The following NKD1 variants were observed in gnomAD, a reference collection of about 807,000 sequenced individuals.
NKD1 encodes protein naked cuticle homolog 1.
In NKD1, 21 loss-of-function variants were observed where a neutral mutation model predicts 56.0. The ratio of observed to expected loss-of-function variants is 0.38; its 90% CI spans 0.27 to 0.54. The LOEUF (loss-of-function observed/expected upper bound fraction) is 0.54. Among genes scored for constraint, NKD1 ranks in the 20% least tolerant of loss-of-function variants. The pLI is 0.82. For missense variants in NKD1, 578 were observed against 642.7 expected (o/e 0.90, Z 1.09); for synonymous variants, 263 against 265.7 (o/e 0.99, Z 0.10).
rs1962364624 is a variant in NKD1, at chr16:50,632,337, A to G, written c.752A>G (p.Glu251Gly). ...QSGCYHHCVDENIERRNHYLD... is the reference protein window; with the variant it reads ...QSGCYHHCVDGNIERRNHYLD... ...GGCTGCTACCACCATTGCGTAGATGAGAACATCGAGAGGAGAAACCACTAC... is the reference window on the plus strand; with the variant it reads ...GGCTGCTACCACCATTGCGTAGATGGGAACATCGAGAGGAGAAACCACTAC... Residue 251 changes from glutamate (E) to glycine (G), a missense_variant, in exon 9 of 10, where the codon GAG becomes GGG. Coordinates refer to ENST00000268459, the MANE Select transcript of NKD1 (RefSeq NM_033119.5). The surrounding 1 kb of genome is among the most constrained non-coding windows in gnomAD (Gnocchi z 4.1). 6.2e-7 allele frequency: 1 copy of G among 1,613,988 alleles called. No homozygotes were observed. Among genetic ancestry groups the G allele is most frequent in the Non-Finnish European group, 8.5e-7 (1 of 1,179,970 alleles).
chr16:50,591,602 C>T (rs1347521765), intron 3 of NKD1, among the ~76,000 whole-genome samples: 1 of 152,160 alleles, frequency 6.6e-6, no homozygotes, highest in African/African-American at 2.4e-5. Flanking sequence ...TCTTTTTGTA[C>T]AGATGAGGAA....
rs770860740 is a variant in NKD1 at position 50,548,518 on chromosome 16, T to C, written c.-36T>C. On this transcript the variant is annotated 5_prime_UTR_variant, in exon 1 of 10. It removes an upstream start codon present in the reference 5' UTR. Transcript: ENST00000268459. The stretch of plus-strand genomic sequence containing the variant: ...GCGCCAGGCCCGCGGGCCGGGCGCA[T>C]GGCTTAGGGACGCTCCCGGCCGCCG... 25 of 1,426,874 alleles carry C rather than the reference T, an allele frequency of 1.8e-5. No homozygotes were observed. Among genetic ancestry groups the C allele is most frequent in the Middle Eastern group, 2.5e-4 (1 of 4,030 alleles). 88.4% of individuals were successfully genotyped at this position (1,426,874 alleles called of 1,614,324 possible).
At position 50,549,507 on chromosome 16, in the gene NKD1, G is replaced by T. The variant is rs748521552; in HGVS notation, c.144G>T (p.Ser48=). 96 of 1,608,534 alleles carry T rather than the reference G, an allele frequency of 6.0e-5. 1 individual carries two copies. The South Asian group carries it at 8.9e-4, about 15-fold the overall frequency. Residue 48 remains serine, a synonymous_variant, in exon 3 of 10, where the codon TCG becomes TCT. Coordinates refer to ENST00000268459, the MANE Select transcript of NKD1 (RefSeq NM_033119.5). Reference sequence around the variant, plus strand: ...GACAGCGCTGCCCGGGCGGTGTCTCGGGACCCCGACAGCTGCGGTTGGCGG... The same window carrying T: ...GACAGCGCTGCCCGGGCGGTGTCTCTGGACCCCGACAGCTGCGGTTGGCGG... ...IGRQRCPGGV[S]GPRQLRLAGT... is the part of the protein sequence containing the mutation.
chr16:50,548,459 G>A lies in NKD1; in HGVS notation c.-95G>A, dbSNP rs1026425950. 89 of 922,590 alleles carry A rather than the reference G, an allele frequency of 9.6e-5. No homozygotes were observed. The East Asian group carries it at 3.3e-3, about 34-fold the overall frequency. The allele number at this position is 922,590 out of a possible 1,614,324, so 57.2% of individuals were successfully genotyped here. ...CGCCGCCTCGGGCTCCGCTCGGCTCGGGGGCTGCTTCGGGAGGAGGAGAGC... is the reference window on the plus strand; with the variant it reads ...CGCCGCCTCGGGCTCCGCTCGGCTCAGGGGCTGCTTCGGGAGGAGGAGAGC... On this transcript the variant is annotated 5_prime_UTR_variant, in exon 1 of 10. Coordinates refer to ENST00000268459, the MANE Select transcript of NKD1 (RefSeq NM_033119.5).
intron 3 of NKD1, chr16:50,606,398 T>C (rs1475756089): frequency 8.3e-6 from 2 of 240,502 alleles, no homozygotes; most frequent in Non-Finnish European, 1.7e-5. Flanking sequence ...AGTGCGTCCA[T>C]GAACCATGGC....
chr16:50,592,236 G>T (rs149009789), intron 3 of NKD1, among the ~76,000 whole-genome samples: 1 of 152,212 alleles, frequency 6.6e-6, no homozygotes, highest in Non-Finnish European at 1.5e-5. Flanking sequence ...TGCTGCCGCC[G>T]CCTGGGGGCT....
rs1010025866 is a variant in NKD1 at position 50,634,318 on chromosome 16, T to A, written c.*537T>A. On this transcript the variant is annotated 3_prime_UTR_variant, in exon 10 of 10. Transcript: ENST00000268459. ...AACGTCTTGCTGTTGTGTTTTTATG[T>A]CCCAACCTAGAAACCTTAGCTGTCT... The A allele has an allele frequency of 1.3e-5, 2 of 152,814 alleles. No homozygotes were observed. Among genetic ancestry groups the A allele is most frequent in the Non-Finnish European group, 2.9e-5 (2 of 68,074 alleles). The allele number at this position is 152,814 out of a possible 1,614,324, so 9.5% of individuals were successfully genotyped here.
At chr16:50,566,100 A>T in intron 3 of NKD1, 1 of 956,496 alleles carries the variant, frequency 1.0e-6, no homozygotes, top group Non-Finnish European at 1.2e-6. Context: ...TACAAAATCG[A>T]GGAGGAAAGC....
chr16:50,597,778 G>T (rs1004167811), intron 3 of NKD1, among the ~76,000 whole-genome samples: 1 of 152,184 alleles, frequency 6.6e-6, no homozygotes, highest in African/African-American at 2.4e-5. Flanking sequence ...AGGCGGGTGG[G>T]ATTGGTGCCC....
At chr16:50,611,039 C>T (rs918726091) in intron 4 of NKD1, among the ~76,000 whole-genome samples, 7 of 152,196 alleles carry the variant, frequency 4.6e-5, no homozygotes, top group African/African-American at 1.7e-4. Flanking sequence ...GCACACCCAG[C>T]CTCCCTGCCC....
At chr16:50,621,363 G>C (rs571282168) in intron 4 of NKD1, among the ~76,000 whole-genome samples, 1 of 152,200 alleles carries the variant, frequency 6.6e-6, no homozygotes, top group Non-Finnish European at 1.5e-5. Flanking sequence ...AGGCTGGTGG[G>C]GGCCTGAGGG....
intron 7 of NKD1, 97 bp from the exon 8 acceptor site, chr16:50,630,729 A>G: frequency 4.8e-6 from 5 of 1,044,110 alleles, no homozygotes; most frequent in Non-Finnish European, 6.9e-6. Context: ...ACCCTCCCAC[A>G]GTGGCCTTGC....
chr16:50,550,573 T>C (rs569709048), intron 3 of NKD1, among the ~76,000 whole-genome samples: 261 of 152,186 alleles, frequency 1.7e-3, no homozygotes, highest in South Asian at 2.9e-3. Flanking sequence ...CCTCTGGGCC[T>C]AGGAGAAGCT....
intron 4 of NKD1, among the ~76,000 whole-genome samples, chr16:50,609,000 T>G (rs1333246437): frequency 6.6e-6 from 1 of 152,182 alleles, no homozygotes; most frequent in African/African-American, 2.4e-5. Context: ...ATTTTTAAAT[T>G]TTTCTGTAGA....
chr16:50,618,708 CA>C (rs1222866570), intron 4 of NKD1, among the ~76,000 whole-genome samples: 1 of 152,188 alleles, frequency 6.6e-6, no homozygotes, highest in Non-Finnish European at 1.5e-5. Context: ...CAGGATGGAT[CA>C]CAGGCCCCAT....
In NKD1 at chr16:50,548,529, C is replaced by T. The variant is rs1050323354; in HGVS notation, c.-25C>T. On this transcript the variant is annotated 5_prime_UTR_variant, in exon 1 of 10. The change creates a new upstream start codon in the 5' untranslated region. Coordinates refer to ENST00000268459, the MANE Select transcript of NKD1 (RefSeq NM_033119.5). ...GCGGGCCGGGCGCATGGCTTAGGGA[C>T]GCTCCCGGCCGCCGCAGCCCCAGCA... The T allele has an allele frequency of 1.3e-4, 183 of 1,460,934 alleles. No individual in the cohort carries two copies. Among genetic ancestry groups the T allele is most frequent in the Non-Finnish European group, 1.5e-4 (166 of 1,111,542 alleles). 90.5% of individuals were successfully genotyped at this position (1,460,934 alleles called of 1,614,324 possible). A position where few individuals can be genotyped will look rare whatever the true frequency, so the allele number is the denominator to read the frequency against.
At chr16:50,573,243 A>G (rs548399012) in intron 3 of NKD1, among the ~76,000 whole-genome samples, 200 of 152,308 alleles carry the variant, frequency 1.3e-3, no homozygotes, top group Middle Eastern at 3.4e-3. Flanking sequence ...TACCTTCAGC[A>G]CCACACAATC....
intron 3 of NKD1, among the ~76,000 whole-genome samples, chr16:50,582,213 T>C (rs1961132092): frequency 6.6e-6 from 1 of 152,150 alleles, no homozygotes; most frequent in Non-Finnish European, 1.5e-5. Flanking sequence ...CTGGAGCTGT[T>C]TGCTAATTAT....
chr16:50,627,829 C>T (rs1358378594), intron 6 of NKD1, among the ~76,000 whole-genome samples: 2 of 152,196 alleles, frequency 1.3e-5, no homozygotes, highest in African/African-American at 4.8e-5. Flanking sequence ...TCTGCTGGGA[C>T]CACCCCCATC....
Sources: allele counts gnomAD v4.1 joint callset (sites outside exome capture counted in the v4.1 genomes callset), GRCh38; gene constraint gnomAD v4.1.1; non-coding constraint Gnocchi (gnomAD v3.1); transcripts MANE v1.5; gene names NCBI Gene and HGNC (gene_info 2026-07-23, HGNC 2026-07-21).